CNTN5: variants seen among roughly 807,000 people sequenced by gnomAD.
CNTN5 encodes contactin 5, also known as contactin-5.
In CNTN5, 77 loss-of-function variants were observed where a neutral mutation model predicts 129.1. The ratio of observed to expected loss-of-function variants is 0.60; its 90% CI spans 0.50 to 0.72. The LOEUF is 0.72. CNTN5 is among the 30% of genes least tolerant of loss of function. The pLI, the probability that CNTN5 is intolerant of heterozygous loss-of-function variation, is 0.00. For synonymous variants in CNTN5, 509 were observed against 465.6 expected, an observed-to-expected ratio of 1.09 and a Z score of -1.20; for missense variants, 1,478 against 1,328.8, an observed-to-expected ratio of 1.11 and a Z score of -1.75.
At chr11:99,398,418 C>G (rs569576656) in intron 2 of CNTN5, among the ~76,000 whole-genome samples, 1 of 151,974 alleles carries the variant, frequency 6.6e-6, no homozygotes, top group East Asian at 1.9e-4. Context: ...GCTTTAAATT[C>G]TATGCATTTT....
intron 7 of CNTN5, among the ~76,000 whole-genome samples, chr11:99,936,031 C>G (rs1950308992): frequency 6.6e-6 from 1 of 152,076 alleles, no homozygotes; most frequent in Non-Finnish European, 1.5e-5. Flanking sequence ...GTATTTCCAC[C>G]AGGAATAATG....
At chr11:99,409,633 G>A (rs192894877) in intron 2 of CNTN5, among the ~76,000 whole-genome samples, 13 of 152,228 alleles carry the variant, frequency 8.5e-5, no homozygotes, top group Admixed American at 3.9e-4. Flanking sequence ...AGAAACAAAG[G>A]CTTTGTGAAA....
chr11:99,961,137 G>A (rs147108828), intron 8 of CNTN5, among the ~76,000 whole-genome samples: 3,794 of 147,938 alleles, frequency 0.026, 60 homozygotes, highest in Non-Finnish European at 0.039. Context: ...CCCGGGAGGC[G>A]GATGCTGCAG....
In CNTN5 at chr11:99,052,227, A is replaced by C. The variant is rs187622963; in HGVS notation, c.-210+30957A>C. Among the ~76,000 whole-genome samples the C allele has an allele frequency of 9.3e-4, 141 of 152,000 alleles. 1 individual carries two copies. The highest frequency in any genetic ancestry group is 2.4e-3 in the Admixed American group (37 of 15,230). Reference sequence around the variant, plus strand: ...TATGTTTACATATATATACACACAGAGAGATAACATACATGGTATAAATGC... The same window carrying C: ...TATGTTTACATATATATACACACAGCGAGATAACATACATGGTATAAATGC... On this transcript the variant is annotated intron_variant, in intron 1 of 24. Transcript: ENST00000524871.
At chr11:99,474,845 G>T (rs1409716600) in intron 2 of CNTN5, among the ~76,000 whole-genome samples, 1 of 152,000 alleles carries the variant, frequency 6.6e-6, no homozygotes, top group Non-Finnish European at 1.5e-5. Flanking sequence ...AATGTTTCCG[G>T]AATAAAACAA....
intron 3 of CNTN5, among the ~76,000 whole-genome samples, chr11:99,753,119 C>CTTTTTTTTTTTTTTTT (rs375324214): frequency 5.4e-5 from 5 of 93,110 alleles, no homozygotes; most frequent in African/African-American, 4.3e-5. Flanking sequence ...GCCATATTTG[C>CTTTTTTTTTTTTTTTT]TTTTTTTTTT....
At chr11:99,290,374 A>G (rs997538143) in intron 1 of CNTN5, among the ~76,000 whole-genome samples, 17 of 151,850 alleles carry the variant, frequency 1.1e-4, no homozygotes, top group Non-Finnish European at 1.6e-4. Context: ...TGACCAGAAA[A>G]AAAGCCACAC....
In CNTN5 at chr11:99,988,238, A is replaced by G. The variant is rs188992750; in HGVS notation, c.878-13796A>G. On this transcript the variant is annotated intron_variant, in intron 8 of 24. Coordinates refer to ENST00000524871, the MANE Select transcript of CNTN5 (RefSeq NM_014361.4). Reference sequence around the variant, plus strand: ...CATTCTCCACAAGAAGACTACAGTGAGAAAACAATCTGTGCAGATTAAAGT... The same window carrying G: ...CATTCTCCACAAGAAGACTACAGTGGGAAAACAATCTGTGCAGATTAAAGT... Among the ~76,000 whole-genome samples, 3 of 152,378 alleles carry G rather than the reference A, an allele frequency of 2.0e-5. No individual in the cohort carries two copies. In the East Asian group the frequency reaches 5.8e-4, roughly 29 times the overall value.
At chr11:100,149,981 A>G (rs996897964) in intron 13 of CNTN5, among the ~76,000 whole-genome samples, 2 of 152,086 alleles carry the variant, frequency 1.3e-5, no homozygotes. Flanking sequence ...TTTAAGTTAC[A>G]CTTTAATCCA....
At chr11:99,897,585 C>A (rs1949240711) in intron 6 of CNTN5, among the ~76,000 whole-genome samples, 1 of 152,074 alleles carries the variant, frequency 6.6e-6, no homozygotes, top group Non-Finnish European at 1.5e-5. Context: ...CTTTCCCAGA[C>A]AAGCAATTAC....
chr11:99,085,172 G>A (rs1336593539), intron 1 of CNTN5, among the ~76,000 whole-genome samples: 4 of 151,822 alleles, frequency 2.6e-5, no homozygotes, highest in Non-Finnish European at 5.9e-5. Flanking sequence ...AGCCTCCCCA[G>A]TAGCTGGGAG....
rs1384115158 is a variant in CNTN5 at position 100,052,281 on chromosome 11, A to T, written c.981-8931A>T. On this transcript the variant is annotated intron_variant, in intron 9 of 24. Coordinates refer to ENST00000524871, the MANE Select transcript of CNTN5 (RefSeq NM_014361.4). ...CAATATTCAGCATCGTAATGGTAAG[A>T]GACTAAAATATTTCCCCTTTCCTTT... Among the ~76,000 whole-genome samples, 13 of 151,952 alleles carry T rather than the reference A, an allele frequency of 8.6e-5. No homozygotes were observed. The South Asian group carries it at 2.7e-3, about 31-fold the overall frequency.
At position 99,939,808 on chromosome 11, in the gene CNTN5, C is replaced by T. The variant is rs145229940; in HGVS notation, c.674-16998C>T. On this transcript the variant is annotated intron_variant, in intron 7 of 24. Coordinates refer to ENST00000524871, the MANE Select transcript of CNTN5 (RefSeq NM_014361.4). ...CCTAATTTGAATTCAGTTTAGGAAA[C>T]GGTACTGAGAACCTCCTCTATATGT... 2.9e-3 allele frequency among the ~76,000 whole-genome samples: 447 copies of T among 152,040 alleles called. 2 individuals carry two copies. Among genetic ancestry groups the T allele is most frequent in the African/African-American group, 1.0e-2 (413 of 41,470 alleles).
chr11:99,220,923 A>G (rs969027801), intron 1 of CNTN5, among the ~76,000 whole-genome samples: 3 of 151,618 alleles, frequency 2.0e-5, no homozygotes, highest in Non-Finnish European at 4.4e-5. Context: ...GGGTTGTCCA[A>G]TGCAGAAGCA....
At chr11:99,180,735 A>G in intron 1 of CNTN5, among the ~76,000 whole-genome samples, 1 of 152,158 alleles carries the variant, frequency 6.6e-6, no homozygotes, top group East Asian at 1.9e-4. Context: ...TTACAGATAC[A>G]TAGGGAAGGC....
chr11:99,622,647 T>C (rs766456192), intron 3 of CNTN5, among the ~76,000 whole-genome samples: 21 of 152,108 alleles, frequency 1.4e-4, no homozygotes, highest in Non-Finnish European at 3.1e-4. Context: ...TCTGAGCTTT[T>C]AGTAGAATGC....
In CNTN5 at chr11:99,035,281, T is replaced by G. The variant is rs1382742106; in HGVS notation, c.-210+14011T>G. On this transcript the variant is annotated intron_variant, in intron 1 of 24. Transcript: ENST00000524871. Reference sequence around the variant, plus strand: ...GGTGGAGAGTTCTGTAGATGTCTATTAGGTCCGCTTGGTGCAGAGCTGAGT... The same window carrying G: ...GGTGGAGAGTTCTGTAGATGTCTATGAGGTCCGCTTGGTGCAGAGCTGAGT... Among the ~76,000 whole-genome samples the G allele has an allele frequency of 2.5e-4, 37 of 149,728 alleles. 1 individual carries two copies. Among genetic ancestry groups the G allele is most frequent in the Admixed American group, 2.1e-3 (32 of 15,068 alleles).
At chr11:99,143,234 A>C (rs937347670) in intron 1 of CNTN5, among the ~76,000 whole-genome samples, 1 of 151,294 alleles carries the variant, frequency 6.6e-6, no homozygotes, top group African/African-American at 2.4e-5. Context: ...ATAGAAAACA[A>C]TTTAATTCAC....
chr11:99,166,470 A>G (rs1380159961), intron 1 of CNTN5, among the ~76,000 whole-genome samples: 2 of 151,950 alleles, frequency 1.3e-5, no homozygotes, highest in African/African-American at 4.8e-5. Flanking sequence ...AAAATGGGTA[A>G]TTTTCCTTAA....
Sources: allele counts gnomAD v4.1 joint callset (sites outside exome capture counted in the v4.1 genomes callset), GRCh38; gene constraint gnomAD v4.1.1; transcripts MANE v1.5; gene names NCBI Gene and HGNC (gene_info 2026-07-23, HGNC 2026-07-21).